The following CSMD1 variants were observed in gnomAD, a reference collection of about 807,000 sequenced individuals.
The protein encoded by CSMD1 is CUB and sushi domain-containing protein 1.
In CSMD1, 213 loss-of-function variants were observed where a neutral mutation model predicts 417.5. The ratio of observed to expected loss-of-function variants is 0.51; its 90% CI spans 0.46 to 0.57. CSMD1 has a LOEUF of 0.57. CSMD1 is among the 20% of genes least tolerant of loss of function. The pLI is 0.00. For synonymous variants in CSMD1, 2,862 were observed against 1,736.8 expected (o/e 1.65, Z -16.11); for missense variants, 6,923 against 4,529.7 (o/e 1.53, Z -15.17).
chr8:3,521,156 T>C (rs903116181), intron 10 of CSMD1, among the ~76,000 whole-genome samples: 2 of 152,128 alleles, frequency 1.3e-5, no homozygotes, highest in Non-Finnish European at 2.9e-5. Flanking sequence ...TGAAAATGAA[T>C]GTATTTATTA....
At chr8:3,231,241 C>T (rs1540507) in intron 26 of CSMD1, among the ~76,000 whole-genome samples, 13,261 of 152,170 alleles carry the variant, frequency 0.087, 762 homozygotes, top group Admixed American at 0.15. Context: ...TAGATTTTTT[C>T]TCATTTTTAC....
intron 3 of CSMD1, among the ~76,000 whole-genome samples, chr8:4,378,558 C>A (rs1802900566): frequency 6.6e-6 from 1 of 152,284 alleles, no homozygotes; most frequent in East Asian, 1.9e-4. Context: ...TTCCTTTTAG[C>A]TTTGCACTGG....
chr8:4,302,077 G>A (rs563913467), intron 3 of CSMD1, among the ~76,000 whole-genome samples: 1 of 152,208 alleles, frequency 6.6e-6, no homozygotes, highest in East Asian at 1.9e-4. Context: ...CAAACTTTAT[G>A]AAGACCCCTT....
At chr8:3,769,935 A>C (rs890316246) in intron 5 of CSMD1, among the ~76,000 whole-genome samples, 2 of 152,244 alleles carry the variant, frequency 1.3e-5, no homozygotes, top group African/African-American at 4.8e-5. Context: ...GCTCTTTACA[A>C]AAAATAGGCT....
At chr8:4,609,652 G>C (rs919633285) in intron 2 of CSMD1, among the ~76,000 whole-genome samples, 4 of 152,162 alleles carry the variant, frequency 2.6e-5, no homozygotes, top group African/African-American at 7.2e-5. Flanking sequence ...TAATAGGCCA[G>C]TGACTTCCAA....
At chr8:4,330,268 G>A (rs1259192915) in intron 3 of CSMD1, among the ~76,000 whole-genome samples, 1 of 129,280 alleles carries the variant, frequency 7.7e-6, no homozygotes, top group African/African-American at 2.5e-5. Context: ...CTGTCTGGTT[G>A]TACTCTTCTA....
intron 7 of CSMD1, among the ~76,000 whole-genome samples, chr8:3,671,560 CATATATATATATATATATA>C (rs1799059675): frequency 4.6e-4 from 3 of 6,524 alleles, no homozygotes; most frequent in Admixed American, 3.7e-3. Context: ...TATATATGAT[CATATATATATATATATATA>C]TATATATATA....
chr8:4,175,956 G>C (rs1245269966), intron 3 of CSMD1, among the ~76,000 whole-genome samples: 1 of 152,082 alleles, frequency 6.6e-6, no homozygotes, highest in Non-Finnish European at 1.5e-5. Flanking sequence ...TGGTGGCATG[G>C]GGCAGCTGGG....
At chr8:3,777,297 A>G (rs1278622416) in intron 5 of CSMD1, among the ~76,000 whole-genome samples, 2 of 152,080 alleles carry the variant, frequency 1.3e-5, no homozygotes, top group African/African-American at 4.8e-5. Flanking sequence ...CAGTCAGTAA[A>G]TATTTGTTGG....
chr8:3,404,799 G>C (rs1812247433), intron 15 of CSMD1, among the ~76,000 whole-genome samples: 2 of 151,798 alleles, frequency 1.3e-5, no homozygotes, highest in Non-Finnish European at 2.9e-5. Context: ...TTTTTCACAT[G>C]CTAAGGACAC....
chr8:4,758,854 G>A (rs1811841211), intron 1 of CSMD1, among the ~76,000 whole-genome samples: 1 of 152,100 alleles, frequency 6.6e-6, no homozygotes, highest in Non-Finnish European at 1.5e-5. Context: ...AAAACCTGGG[G>A]ATTACAATTC....
intron 7 of CSMD1, among the ~76,000 whole-genome samples, chr8:3,652,071 T>C (rs1272385431): frequency 4.8e-5 from 7 of 145,864 alleles, no homozygotes; most frequent in Admixed American, 4.1e-4. Context: ...CTTACCCCCA[T>C]CAGAGCGCTT....
At chr8:3,566,760 TTA>T (rs1255523542) in intron 10 of CSMD1, among the ~76,000 whole-genome samples, 1 of 152,160 alleles carries the variant, frequency 6.6e-6, no homozygotes, top group East Asian at 1.9e-4. Flanking sequence ...ATGGCTATTA[TTA>T]AAAAGTCAGA....
chr8:4,960,405 C>G (rs1053649067), intron 1 of CSMD1, among the ~76,000 whole-genome samples: 1 of 152,190 alleles, frequency 6.6e-6, no homozygotes, highest in Non-Finnish European at 1.5e-5. Context: ...AGCTACCGAT[C>G]TCACTCTTCT....
intron 3 of CSMD1, among the ~76,000 whole-genome samples, chr8:4,249,994 G>C (rs902810596): frequency 1.3e-5 from 2 of 152,072 alleles, no homozygotes; most frequent in South Asian, 2.1e-4. Context: ...GGACCTACTG[G>C]GAAGTGTTTA....
At chr8:3,574,764 A>T (rs1564572) in intron 10 of CSMD1, among the ~76,000 whole-genome samples, 181 bp downstream of exon 10, 5,585 of 152,316 alleles carry the variant, frequency 0.037, 276 homozygotes, top group Admixed American at 0.14. Flanking sequence ...CTCACTTTGC[A>T]TCTGAATCTC....
intron 3 of CSMD1, among the ~76,000 whole-genome samples, chr8:4,159,224 T>C (rs1472613839): frequency 6.6e-6 from 1 of 152,174 alleles, no homozygotes; most frequent in Non-Finnish European, 1.5e-5. Context: ...CCCGTAATTC[T>C]TTATTGATAG....
In CSMD1 at chr8:4,209,926, G is replaced by A. The variant is rs113371013; in HGVS notation, c.416-177827C>T. On this transcript the variant is annotated intron_variant, in intron 3 of 69. Transcript: ENST00000635120. Reference sequence around the variant, plus strand: ...GGTCTCCATGGAAAGCGGTGACCACGTCTGGGTGTTGCTATGACAATGGTA... The same window carrying A: ...GGTCTCCATGGAAAGCGGTGACCACATCTGGGTGTTGCTATGACAATGGTA... Among the ~76,000 whole-genome samples the A allele has an allele frequency of 1.2e-3, 188 of 152,312 alleles. No individual in the cohort carries two copies. In the Middle Eastern group the frequency reaches 0.017, roughly 14 times the overall value.
At chr8:3,487,786 A>T (rs1818142980) in intron 11 of CSMD1, among the ~76,000 whole-genome samples, 1 of 152,180 alleles carries the variant, frequency 6.6e-6, no homozygotes, top group African/African-American at 2.4e-5. Context: ...CTAAGTGCTA[A>T]AAGAATCCCA....
Sources: allele counts gnomAD v4.1 joint callset (sites outside exome capture counted in the v4.1 genomes callset), GRCh38; gene constraint gnomAD v4.1.1; transcripts MANE v1.5; gene names NCBI Gene and HGNC (gene_info 2026-07-23, HGNC 2026-07-21).